The following MARCHF10 variants were observed in gnomAD, a reference collection of about 807,000 sequenced individuals.
MARCHF10 encodes the protein membrane associated ring-CH-type finger 10.
A neutral mutation model predicts 76.2 loss-of-function variants in MARCHF10; 64 were observed. That is an observed-to-expected ratio of 0.84 (90% CI 0.69 to 1.03). The LOEUF (loss-of-function observed/expected upper bound fraction) is 1.03, where lower values mean the gene tolerates loss of function less well. Among genes scored for constraint, MARCHF10 ranks in the 50% least tolerant of loss-of-function variants. MARCHF10 has a pLI of 0.00. For missense variants in MARCHF10, 875 were observed against 958.0 expected (o/e 0.91, Z 1.14); for synonymous variants, 340 against 357.5 (o/e 0.95, Z 0.55).
chr17:62,707,582 C>T (rs2068657), intron 9 of MARCHF10: 8,152 of 152,338 alleles, frequency 0.054, 339 homozygotes, highest in African/African-American at 0.12. Context: ...AGCATTGGCA[C>T]GTGTCCGCGA....
intron 6 of MARCHF10, among the ~76,000 whole-genome samples, chr17:62,729,505 AT>A (rs1599123806): frequency 6.8e-6 from 1 of 148,108 alleles, no homozygotes; most frequent in African/African-American, 2.5e-5. Context: ...TATACTAAAA[AT>A]ATATTTAATC....
intron 3 of MARCHF10, among the ~76,000 whole-genome samples, chr17:62,787,369 C>A (rs1042201196): frequency 6.6e-6 from 1 of 151,830 alleles, no homozygotes. Flanking sequence ...ATTGATATCA[C>A]GTATTCAGGA....
intron 3 of MARCHF10, among the ~76,000 whole-genome samples, chr17:62,786,196 G>A (rs1447385478): frequency 6.6e-6 from 1 of 152,160 alleles, no homozygotes; most frequent in East Asian, 1.9e-4. Context: ...GGAATACTAT[G>A]CAGCCATAAA....
intron 9 of MARCHF10, chr17:62,707,491 G>A (rs954098079): frequency 1.3e-5 from 2 of 152,268 alleles, no homozygotes; most frequent in African/African-American, 2.4e-5. Flanking sequence ...AATGAAGCAG[G>A]TTTGCCACCA....
chr17:62,752,820 C>T (rs2091934623), intron 4 of MARCHF10, among the ~76,000 whole-genome samples: 1 of 152,076 alleles, frequency 6.6e-6, no homozygotes, highest in Non-Finnish European at 1.5e-5. Context: ...TCATTTCTCC[C>T]CCATCCCCTG....
intron 1 of MARCHF10, among the ~76,000 whole-genome samples, chr17:62,804,410 G>A (rs937994240): frequency 6.6e-6 from 1 of 152,010 alleles, no homozygotes; most frequent in Non-Finnish European, 1.5e-5. Flanking sequence ...TGAAGAACAC[G>A]AATATTTAGA....
intron 3 of MARCHF10, among the ~76,000 whole-genome samples, chr17:62,776,026 G>A (rs889515290): frequency 2.0e-5 from 3 of 152,048 alleles, no homozygotes; most frequent in African/African-American, 7.3e-5. Flanking sequence ...TTGAACTCCT[G>A]GGCTCAAGTG....
chr17:62,802,950 A>G (rs946447512), intron 1 of MARCHF10, among the ~76,000 whole-genome samples: 4 of 152,098 alleles, frequency 2.6e-5, no homozygotes, highest in Admixed American at 6.5e-5. Context: ...TCGTGTTTTT[A>G]TTTATTTGTT....
chr17:62,725,017 C>A lies in MARCHF10; in HGVS notation c.2025G>T (p.Glu675Asp), dbSNP rs146939138. 1.4e-5 allele frequency: 22 copies of A among 1,610,726 alleles called. No individual in the cohort carries two copies. The highest frequency in any genetic ancestry group is 1.8e-5 in the Non-Finnish European group (21 of 1,178,810). The change falls in exon 7 of 11, where the codon GAG (glutamate) becomes GAT (aspartate). Residue 675 changes from glutamate to aspartate, a missense_variant. Physicochemically the swap from Glu to Asp is conservative, Grantham distance 45. Transcript: ENST00000311269. ...GCAGGCTTCCCACACAGCCGCAAGGCTCCAGGAGGGGGTTGCTTGGGGAAC... is the reference window on the plus strand; with the variant it reads ...GCAGGCTTCCCACACAGCCGCAAGGATCCAGGAGGGGGTTGCTTGGGGAAC... Reference protein sequence around the residue: ...AGGSPSNPLLEPCGCVGSLQF... With the variant: ...AGGSPSNPLLDPCGCVGSLQF...
intron 3 of MARCHF10, among the ~76,000 whole-genome samples, chr17:62,774,375 G>A (rs2092507490): frequency 6.6e-6 from 1 of 152,150 alleles, no homozygotes; most frequent in Non-Finnish European, 1.5e-5. Context: ...AGACTGAACT[G>A]CCTGCCAAAG....
At chr17:62,793,049 A>G (rs1328386684) in intron 2 of MARCHF10, among the ~76,000 whole-genome samples, 1 of 78,868 alleles carries the variant, frequency 1.3e-5, no homozygotes. Flanking sequence ...ACTACCACCA[A>G]CGCCTCCATC....
At chr17:62,792,143 C>A (rs927054286) in intron 2 of MARCHF10, among the ~76,000 whole-genome samples, 1 of 151,932 alleles carries the variant, frequency 6.6e-6, no homozygotes, top group African/African-American at 2.4e-5. Flanking sequence ...CCCCCTAGTG[C>A]GTCCCCCTGA....
At chr17:62,776,190 C>A (rs930997824) in intron 3 of MARCHF10, among the ~76,000 whole-genome samples, 5 of 152,100 alleles carry the variant, frequency 3.3e-5, no homozygotes, top group African/African-American at 1.2e-4. Flanking sequence ...AAACACATAG[C>A]GCTACTTACA....
At position 62,738,414 on chromosome 17, in the gene MARCHF10, T is replaced by C. The variant is rs891753735; in HGVS notation, c.536-1082A>G. ...ATGTGAGAAGGAAACTGACAGTACT[T>C]CTCTGATGCCACTTACCTTTATTCC... On this transcript the variant is annotated intron_variant, in intron 5 of 10. Transcript: ENST00000311269. This position sits in a 1 kb window ranked among gnomAD's most constrained non-coding sequence, Gnocchi z 4.0. Among the ~76,000 whole-genome samples the C allele has an allele frequency of 6.6e-6, 1 of 152,156 alleles. No individual in the cohort carries two copies. The highest frequency in any genetic ancestry group is 2.4e-5 in the African/African-American group (1 of 41,442).
intron 6 of MARCHF10, 72 bp from the exon 7 acceptor site, chr17:62,725,176 A>G: frequency 4.3e-6 from 6 of 1,405,758 alleles, no homozygotes; most frequent in Admixed American, 2.8e-5. Flanking sequence ...CAGTTCCCAG[A>G]GCATTGACAG....
intron 8 of MARCHF10, among the ~76,000 whole-genome samples, chr17:62,720,560 CTG>C (rs1268865661): frequency 2.6e-5 from 4 of 152,164 alleles, no homozygotes; most frequent in Non-Finnish European, 5.9e-5. Context: ...TGAGGGCAAA[CTG>C]TTAGTAAGAA....
At chr17:62,755,055 A>G (rs2092000663) in intron 4 of MARCHF10, among the ~76,000 whole-genome samples, 1 of 152,232 alleles carries the variant, frequency 6.6e-6, no homozygotes. Context: ...TGTCCTCACA[A>G]TAATCCACTC....
chr17:62,711,220 G>A lies in MARCHF10; in HGVS notation c.2328+11C>T, dbSNP rs1335673382. 6.2e-7 allele frequency: 1 copy of A among 1,612,474 alleles called. No individual in the cohort carries two copies. Among genetic ancestry groups the A allele is most frequent in the African/African-American group, 1.3e-5 (1 of 74,990 alleles). ...TGCCACCGGACAGCTCTGGGTCACA[G>A]CCAGACTTACCCTCTCTCTTTCCAC... On this transcript the variant is annotated intron_variant, in intron 9 of 10. Coordinates refer to ENST00000311269, the MANE Select transcript of MARCHF10 (RefSeq NM_152598.4). This position sits in a 1 kb window ranked among gnomAD's most constrained non-coding sequence, Gnocchi z 4.4.
Position 62,736,912 on chromosome 17 carries a change from A to C in MARCHF10, c.956T>G (p.Phe319Cys), listed in dbSNP as rs9891498. Residue 319 changes from phenylalanine to cysteine, a missense_variant, in exon 6 of 11, where the codon TTT becomes TGT. Physicochemically the swap from Phe to Cys is radical, Grantham distance 205 (BLOSUM62 -2). Transcript: ENST00000311269. ...GGCCTGAGGGGTCGATGTCCCCCCA[A>C]ATCTACTTCTTTTGTGATGGGAAGG... ...CSPSHHKRSR[F>C]GGTSTPQAKN... 1.2e-6 allele frequency: 2 copies of C among 1,613,708 alleles called. No homozygotes were observed. Among genetic ancestry groups the C allele is most frequent in the Non-Finnish European group, 1.7e-6 (2 of 1,179,942 alleles).
Sources: gnomAD v4.1 joint callset for allele counts (sites outside exome capture counted in the v4.1 genomes callset) on GRCh38, gnomAD v4.1.1 for gene constraint, Gnocchi (gnomAD v3.1) non-coding constraint, MANE v1.5 for transcripts, NCBI Gene and HGNC (gene_info 2026-07-23, HGNC 2026-07-21) for gene names.